Variants in CREBL2 observed in about 807,000 individuals in gnomAD.
The protein encoded by CREBL2 is cAMP responsive element binding protein like 2.
Under a neutral mutation model 19.5 loss-of-function variants are expected in CREBL2, and 4 were observed. The ratio of observed to expected loss-of-function variants is 0.20; its 90% CI spans 0.10 to 0.47. The LOEUF (loss-of-function observed/expected upper bound fraction) is 0.47, where lower values mean the gene tolerates loss of function less well. CREBL2 is among the 20% of genes least tolerant of loss of function. The pLI is 0.98. For missense variants in CREBL2, 85 were observed against 145.1 expected, an observed-to-expected ratio of 0.59 and a Z score of 2.13; for synonymous variants, 42 against 46.6, an observed-to-expected ratio of 0.90 and a Z score of 0.40.
chr12:12,632,077 T>TTC (rs1945446040), intron 1 of CREBL2, among the ~76,000 whole-genome samples: 1 of 124,160 alleles, frequency 8.1e-6, no homozygotes, highest in Non-Finnish European at 1.7e-5. Context: ...TCTTTTTTTT[T>TTC]TTTTTTTTTT....
In CREBL2 at chr12:12,612,058, G is replaced by T; in HGVS notation, c.-115G>T. On this transcript the variant is annotated 5_prime_UTR_variant, in exon 1 of 4. It adds an upstream start codon to the 5' untranslated region. Transcript: ENST00000228865. ...GGAAGCGAACTGTTAGGCGAGAGGA[G>T]GAGGCAGCCAGAACCATATCCCCTT... 1 of 1,275,802 alleles carries T rather than the reference G, an allele frequency of 7.8e-7. No individual in the cohort carries two copies. Among genetic ancestry groups the T allele is most frequent in the Non-Finnish European group, 1.1e-6 (1 of 893,296 alleles). The allele number at this position is 1,275,802 out of a possible 1,614,324, so 79.0% of individuals were successfully genotyped here.
chr12:12,630,475 A>G (rs1316213385), intron 1 of CREBL2, among the ~76,000 whole-genome samples: 1 of 151,544 alleles, frequency 6.6e-6, no homozygotes, highest in Non-Finnish European at 1.5e-5. Context: ...AGTATTTTTG[A>G]GTTTTTTCTT....
At chr12:12,616,617 C>T (rs1243760214) in intron 1 of CREBL2, among the ~76,000 whole-genome samples, 1 of 152,198 alleles carries the variant, frequency 6.6e-6, no homozygotes, top group African/African-American at 2.4e-5. Flanking sequence ...TCTCCTTCAA[C>T]AGTCAGGCAG....
chr12:12,641,469 G>A (rs954646586), intron 3 of CREBL2, among the ~76,000 whole-genome samples: 2 of 151,260 alleles, frequency 1.3e-5, no homozygotes, highest in African/African-American at 2.4e-5. Context: ...CACTGCACCC[G>A]GCTAATTTTT....
chr12:12,624,112 C>T (rs1262162564), intron 1 of CREBL2, among the ~76,000 whole-genome samples: 1 of 152,194 alleles, frequency 6.6e-6, no homozygotes, highest in African/African-American at 2.4e-5. Context: ...TAATTTGTTA[C>T]AGCAGCCCCA....
Position 12,641,250 on chromosome 12 carries a change from A to ATTTTTTTTTTTTTTTTTTTTTTTTTT in CREBL2, c.359-742_359-741insTTTTTTTTTTTTTTTTTTTTTTTTTT, listed in dbSNP as rs1248375488. Among the ~76,000 whole-genome samples the ATTTTTTTTTTTTTTTTTTTTTTTTTT allele has an allele frequency of 7.8e-4, 45 of 57,994 alleles. 9 individuals carry two copies. The highest frequency in any genetic ancestry group is 1.8e-3 in the South Asian group (3 of 1,710). 38.0% of individuals were successfully genotyped at this position (57,994 alleles called of 152,430 possible). A position where few individuals can be genotyped will look rare whatever the true frequency, so the allele number is the denominator to read the frequency against. ...CTTTATTATTATTATTATTATTATT[A>ATTTTTTTTTTTTTTTTTTTTTTTTTT]TTATTTTTTTTTATTTTTTTTTTTT... On this transcript the variant is annotated intron_variant, in intron 3 of 3. Coordinates refer to ENST00000228865, the MANE Select transcript of CREBL2 (RefSeq NM_001310.4).
intron 1 of CREBL2, among the ~76,000 whole-genome samples, chr12:12,613,990 C>CTTTTTTTTTTTTTTTTTTT (rs57522744): frequency 5.4e-4 from 39 of 72,882 alleles, no homozygotes; most frequent in East Asian, 8.0e-4. Context: ...TCTTTTTTTT[C>CTTTTTTTTTTTTTTTTTTT]TTTTTTTTTT....
intron 1 of CREBL2, among the ~76,000 whole-genome samples, chr12:12,634,126 A>G (rs910068205): frequency 1.3e-5 from 2 of 152,128 alleles, no homozygotes; most frequent in Non-Finnish European, 2.9e-5. Flanking sequence ...ACAGGCTCCA[A>G]TACTACTTTT....
chr12:12,614,730 G>T, intron 1 of CREBL2: 1 of 307,880 alleles, frequency 3.2e-6, no homozygotes. Flanking sequence ...TACTTAATAT[G>T]CTCAATATAC....
chr12:12,622,438 G>A (rs1034666715), intron 1 of CREBL2, among the ~76,000 whole-genome samples: 1 of 152,152 alleles, frequency 6.6e-6, no homozygotes, highest in Non-Finnish European at 1.5e-5. Context: ...TGAAAAGAGA[G>A]GTCAGTGACG....
At chr12:12,626,256 T>A (rs2136302735) in intron 1 of CREBL2, among the ~76,000 whole-genome samples, 1 of 152,328 alleles carries the variant, frequency 6.6e-6, no homozygotes, top group African/African-American at 2.4e-5. Context: ...AAGTTAAACT[T>A]GTTGACTGTG....
Position 12,612,139 on chromosome 12 carries a change from G to A in CREBL2, c.-34G>A, listed in dbSNP as rs1239620101. 2 of 1,610,282 alleles carry A rather than the reference G, an allele frequency of 1.2e-6. No homozygotes were observed. Among genetic ancestry groups the A allele is most frequent in the Non-Finnish European group, 1.7e-6 (2 of 1,179,784 alleles). ...GCTGAGCCGGGGGAGGGCTCCGGGA[G>A]GGAGTGCCTGGCCAGGCCGGCCTGT... is the stretch of plus-strand genomic sequence containing the variant. On this transcript the variant is annotated 5_prime_UTR_variant, in exon 1 of 4. Transcript: ENST00000228865.
In CREBL2 at chr12:12,625,696, G is replaced by A. The variant is rs537717618; in HGVS notation, c.16-10081G>A. Among the ~76,000 whole-genome samples the A allele has an allele frequency of 1.2e-4, 18 of 152,278 alleles. No homozygotes were observed. The East Asian group carries it at 2.7e-3, about 23-fold the overall frequency. ...ACTAAAATCTTGTCATCTATGAAATGAAGAGATCACATATCCTTATCTGTG... is the reference window on the plus strand; with the variant it reads ...ACTAAAATCTTGTCATCTATGAAATAAAGAGATCACATATCCTTATCTGTG... On this transcript the variant is annotated intron_variant, in intron 1 of 3. Coordinates refer to ENST00000228865, the MANE Select transcript of CREBL2 (RefSeq NM_001310.4).
Position 12,635,564 on chromosome 12 carries a change from A to G in CREBL2, c.16-213A>G, listed in dbSNP as rs536280230. Among the ~76,000 whole-genome samples the G allele has an allele frequency of 1.4e-4, 21 of 152,274 alleles. 1 individual carries two copies. The South Asian group carries it at 4.4e-3, about 32-fold the overall frequency. ...TATCAAATAAATAATAAAAATGTAT[A>G]TTATTTCTTCTTTCACATTCATGGT... On this transcript the variant is annotated intron_variant, in intron 1 of 3. Transcript: ENST00000228865.
intron 1 of CREBL2, among the ~76,000 whole-genome samples, chr12:12,620,813 TTG>T (rs1388735634): frequency 6.6e-6 from 1 of 152,204 alleles, no homozygotes; most frequent in East Asian, 1.9e-4. Flanking sequence ...GATTAAGAGT[TTG>T]TAACTGTTCT....
intron 1 of CREBL2, among the ~76,000 whole-genome samples, chr12:12,632,141 G>A (rs556195905): frequency 7.4e-6 from 1 of 135,260 alleles, no homozygotes; most frequent in East Asian, 2.2e-4. Flanking sequence ...GCAGTGGCGG[G>A]ATCTCGGCTC....
chr12:12,639,265 G>C (rs1273983287), intron 3 of CREBL2, among the ~76,000 whole-genome samples: 1 of 152,116 alleles, frequency 6.6e-6, no homozygotes, highest in Non-Finnish European at 1.5e-5. Context: ...GTGAACATGT[G>C]CATATAGGTA....
chr12:12,612,443 C>A (rs913174345), intron 1 of CREBL2, among the ~76,000 whole-genome samples: 6 of 152,144 alleles, frequency 3.9e-5, no homozygotes, highest in African/African-American at 1.4e-4. Flanking sequence ...TAGTGCAACC[C>A]CTAGTCCTTA....
intron 1 of CREBL2, among the ~76,000 whole-genome samples, chr12:12,625,167 G>A (rs1945392003): frequency 6.6e-6 from 1 of 152,290 alleles, no homozygotes; most frequent in South Asian, 2.1e-4. Context: ...AAACAGGGAT[G>A]TAAGTTCTCA....
Sources: allele counts gnomAD v4.1 joint callset (sites outside exome capture counted in the v4.1 genomes callset), GRCh38; gene constraint gnomAD v4.1.1; transcripts MANE v1.5; gene names NCBI Gene and HGNC (gene_info 2026-07-23, HGNC 2026-07-21).